Variants in LMF1 observed in about 807,000 individuals in gnomAD.
LMF1 encodes lipase maturation factor 1, also known as transmembrane protein 112.
In LMF1, 68 loss-of-function variants were observed where a neutral mutation model predicts 60.6. The ratio of observed to expected loss-of-function variants is 1.12; its 90% CI spans 0.92 to 1.37. LMF1 has a LOEUF of 1.37. Among genes scored for constraint, LMF1 ranks in the 40% most tolerant of loss-of-function variants. The pLI is 0.00. For missense variants in LMF1, 948 were observed against 767.2 expected (o/e 1.24, Z -2.78); for synonymous variants, 418 against 324.7 (o/e 1.29, Z -3.09).
intron 1 of LMF1, among the ~76,000 whole-genome samples, chr16:956,776 G>A (rs1263153955): frequency 2.0e-5 from 3 of 151,114 alleles, no homozygotes; most frequent in Non-Finnish European, 2.9e-5. Flanking sequence ...CCTGGGAGGT[G>A]GAGGGTGCAG....
chr16:879,785 C>A, intron 5 of LMF1, 48 bp from the exon 6 acceptor site: 1 of 1,532,466 alleles, frequency 6.5e-7, no homozygotes, highest in Non-Finnish European at 8.8e-7. Flanking sequence ...TCTCGGGGGG[C>A]GGGGCTAGGG....
chr16:881,576 A>G (rs1462680178), intron 5 of LMF1: 1 of 152,302 alleles, frequency 6.6e-6, no homozygotes, highest in African/African-American at 2.4e-5. Context: ...TTAGGGACTT[A>G]GAAGGCAGCA....
At chr16:913,511 G>C (rs1334767214) in intron 3 of LMF1, among the ~76,000 whole-genome samples, 1 of 152,234 alleles carries the variant, frequency 6.6e-6, no homozygotes, top group East Asian at 1.9e-4. Context: ...ATTGCCGGCT[G>C]GATGCCCCGA....
intron 2 of LMF1, among the ~76,000 whole-genome samples, chr16:948,292 A>G (rs2072304250): frequency 6.6e-6 from 1 of 151,526 alleles, no homozygotes; most frequent in East Asian, 1.9e-4. Flanking sequence ...ACAGAGTCAG[A>G]GCCAACGACA....
chr16:920,640 C>T (rs918747978), intron 3 of LMF1, among the ~76,000 whole-genome samples: 2 of 152,184 alleles, frequency 1.3e-5, no homozygotes, highest in African/African-American at 2.4e-5. Context: ...TGTCCATGTC[C>T]GTGGAGCCAC....
chr16:951,868 G>A (rs967130516), intron 2 of LMF1, among the ~76,000 whole-genome samples: 3 of 152,222 alleles, frequency 2.0e-5, no homozygotes, highest in South Asian at 2.1e-4. Context: ...CCAGGCCACC[G>A]TCAGCAGAGA....
chr16:981,162 G>A (rs1378758769), exon 1 of LMF1: 1 of 453,260 alleles, frequency 2.2e-6, no homozygotes, highest in East Asian at 7.0e-5. Flanking sequence ...TGCGCTGTCC[G>A]CAGACTCTGG....
rs141918261 is a variant in LMF1 at position 887,626 on chromosome 16, A to G, written c.729+5381T>C. On this transcript the variant is annotated intron_variant, in intron 5 of 10. Coordinates refer to ENST00000262301, the MANE Select transcript of LMF1 (RefSeq NM_022773.4). ...AGGCCCCGCAGAACTCTGGGAGCCC[A>G]GCCCAGAGAGGGCTGCTCTGTGTGG... Among the ~76,000 whole-genome samples the G allele has an allele frequency of 5.4e-4, 82 of 152,298 alleles. No individual in the cohort carries two copies. In the East Asian group the frequency reaches 0.013, roughly 24 times the overall value.
intron 3 of LMF1, among the ~76,000 whole-genome samples, chr16:929,912 C>A (rs539513327): frequency 6.6e-6 from 1 of 150,690 alleles, no homozygotes; most frequent in Non-Finnish European, 1.5e-5. Flanking sequence ...TACGTGTGAA[C>A]GGGGGCACAG....
At chr16:860,825 A>T (rs1434114650) in intron 10 of LMF1, among the ~76,000 whole-genome samples, 1 of 152,256 alleles carries the variant, frequency 6.6e-6, no homozygotes, top group African/African-American at 2.4e-5. Context: ...GTTGTGTTCC[A>T]TGGAATTGCA....
chr16:977,597 C>T (rs116000326), intron 1 of LMF1, among the ~76,000 whole-genome samples: 6 of 152,258 alleles, frequency 3.9e-5, no homozygotes, highest in Admixed American at 1.3e-4. Flanking sequence ...AGCGGGTTCA[C>T]GCCCGCCGGG....
At chr16:937,550 C>T (rs1046932049) in intron 2 of LMF1, among the ~76,000 whole-genome samples, 3 of 152,144 alleles carry the variant, frequency 2.0e-5, no homozygotes, top group Non-Finnish European at 4.4e-5. Flanking sequence ...TGTTGACTGA[C>T]AGGTCGTTGG....
chr16:945,211 C>CAAAAA lies in LMF1; in HGVS notation c.503+9141_503+9145dup, dbSNP rs60283096. ...GGGCGACAAGAGCGAGACTCCATCT[C>CAAAAA]AAAAAAAAAAAAAAAAAGGAAAATA... On this transcript the variant is annotated intron_variant, in intron 2 of 10. Transcript: ENST00000262301. 3.8e-5 allele frequency among the ~76,000 whole-genome samples: 3 copies of CAAAAA among 79,020 alleles called. 1 individual carries two copies. Among genetic ancestry groups the CAAAAA allele is most frequent in the African/African-American group, 1.2e-4 (2 of 17,176 alleles). The allele number at this position is 79,020 out of a possible 152,430, so 51.8% of individuals were successfully genotyped here.
chr16:927,899 C>T (rs113121522), intron 3 of LMF1, among the ~76,000 whole-genome samples: 5 of 152,220 alleles, frequency 3.3e-5, no homozygotes, highest in African/African-American at 7.2e-5. Flanking sequence ...TCTGGGGCCC[C>T]GCACACGCAC....
At position 884,350 on chromosome 16, in the gene LMF1, G is replaced by A. The variant is rs561459810; in HGVS notation, c.730-4613C>T. Among the ~76,000 whole-genome samples the A allele has an allele frequency of 5.3e-5, 8 of 152,346 alleles. 1 individual carries two copies. Among genetic ancestry groups the A allele is most frequent in the African/African-American group, 1.7e-4 (7 of 41,578 alleles). ...TACATGCAAATAAAGATGTTACAGAGTATGTACATAAGGAGTTGTCACAGG... is the reference window on the plus strand; with the variant it reads ...TACATGCAAATAAAGATGTTACAGAATATGTACATAAGGAGTTGTCACAGG... On this transcript the variant is annotated intron_variant, in intron 5 of 10. Transcript: ENST00000262301.
rs374272726 is a variant in LMF1 at position 948,995 on chromosome 16, C to T, written c.503+5362G>A. On this transcript the variant is annotated intron_variant, in intron 2 of 10. Transcript: ENST00000262301. ...GTCAGTCAACGACAGAGTCAGCCAA[C>T]GACAGAGTCAGAGCCAACGACAGAG... 4.1e-3 allele frequency among the ~76,000 whole-genome samples: 353 copies of T among 85,528 alleles called. 2 individuals are homozygous for T. Among genetic ancestry groups the T allele is most frequent in the African/African-American group, 0.013 (215 of 16,694 alleles). The allele number at this position is 85,528 out of a possible 152,430, so 56.1% of individuals were successfully genotyped here.
chr16:918,997 G>A (rs957284200), intron 3 of LMF1, among the ~76,000 whole-genome samples: 4 of 152,242 alleles, frequency 2.6e-5, no homozygotes, highest in East Asian at 1.9e-4. Context: ...CTCCTCCCAC[G>A]GGGCCTCCTG....
intron 1 of LMF1, chr16:979,763 T>C (rs1029789621): frequency 8.8e-6 from 4 of 453,954 alleles, no homozygotes; most frequent in Non-Finnish European, 1.8e-5. Flanking sequence ...CGATGTCTGC[T>C]CTCCCAGGGG....
At chr16:918,742 A>G (rs1190766997) in intron 3 of LMF1, among the ~76,000 whole-genome samples, 2 of 137,458 alleles carry the variant, frequency 1.5e-5, no homozygotes, top group African/African-American at 2.6e-5. Context: ...CACATTTTAA[A>G]TCACATTTAA....
Sources: allele counts gnomAD v4.1 joint callset (sites outside exome capture counted in the v4.1 genomes callset), GRCh38; gene constraint gnomAD v4.1.1; transcripts MANE v1.5; gene names NCBI Gene and HGNC (gene_info 2026-07-23, HGNC 2026-07-21).